Variants in FBXL2 observed in about 807,000 individuals in gnomAD.
FBXL2 encodes the protein F-box/LRR-repeat protein 2.
FBXL2 carries 38 observed loss-of-function variants against 69.2 expected under a neutral mutation model. The observed-to-expected ratio is 0.55, with a 90% CI of 0.42 to 0.72. The LOEUF is 0.72. Among genes scored for constraint, FBXL2 ranks in the 30% least tolerant of loss-of-function variants. The pLI is 0.00. For synonymous variants in FBXL2, 192 were observed against 201.3 expected (o/e 0.95, Z 0.39); for missense variants, 354 against 520.3 (o/e 0.68, Z 3.11).
At chr3:33,352,261 T>A (rs1042394809) in intron 2 of FBXL2, among the ~76,000 whole-genome samples, 1 of 151,986 alleles carries the variant, frequency 6.6e-6, no homozygotes, top group Non-Finnish European at 1.5e-5. Flanking sequence ...GTTGGAAAAA[T>A]TGGACATCTG....
chr3:33,325,460 C>T (rs1457741105), intron 2 of FBXL2, among the ~76,000 whole-genome samples: 3 of 152,130 alleles, frequency 2.0e-5, no homozygotes, highest in Non-Finnish European at 4.4e-5. Context: ...TTTTGAGGTA[C>T]GTTCCATCAT....
chr3:33,324,053 A>G (rs1045428545), intron 2 of FBXL2, among the ~76,000 whole-genome samples: 4 of 152,094 alleles, frequency 2.6e-5, no homozygotes, highest in African/African-American at 9.7e-5. Flanking sequence ...TTCTCTAGTG[A>G]CCAGTGATGA....
chr3:33,294,538 T>C (rs980453526), intron 1 of FBXL2, among the ~76,000 whole-genome samples: 2 of 152,112 alleles, frequency 1.3e-5, no homozygotes, highest in African/African-American at 4.8e-5. Context: ...ATGTAAATGC[T>C]TACATTAAAA....
At chr3:33,391,966 TG>T (rs1281424317), downstream of FBXL2, 1 of 153,006 alleles carries the variant, frequency 6.5e-6, no homozygotes, top group Non-Finnish European at 1.5e-5. Context: ...GGCACCTACA[TG>T]GCCCACTGCC....
chr3:33,364,294 T>G, intron 4 of FBXL2: 1 of 272,292 alleles, frequency 3.7e-6, no homozygotes, highest in Non-Finnish European at 7.0e-6. Flanking sequence ...AGCCTTTTGG[T>G]TGGTGGAATA....
At chr3:33,372,490 A>G (rs1044232253) in intron 5 of FBXL2, 4 of 156,182 alleles carry the variant, frequency 2.6e-5, no homozygotes, top group Admixed American at 6.2e-5. Context: ...TATGTTAAGC[A>G]GTGAGTGGTG....
In FBXL2 at chr3:33,375,304, G is replaced by A; in HGVS notation, c.674G>A (p.Gly225Asp). Residue 225 changes from glycine (G) to aspartate (D), a missense_variant, in exon 10 of 15, where the codon GGT becomes GAT. Transcript: ENST00000484457. Reference protein sequence around the residue: ...LQSCSRITDEGVVQICRGCHR... With the variant: ...LQSCSRITDEDVVQICRGCHR... ...TTTCCTCAGCGTATCACGGATGAAGGTGTGGTGCAGATATGCAGGGGCTGT... is the reference window on the plus strand; with the variant it reads ...TTTCCTCAGCGTATCACGGATGAAGATGTGGTGCAGATATGCAGGGGCTGT... 1 of 1,614,078 alleles carries A rather than the reference G, an allele frequency of 6.2e-7. No homozygotes were observed. Among genetic ancestry groups the A allele is most frequent in the South Asian group, 1.1e-5 (1 of 91,074 alleles).
chr3:33,354,355 A>C (rs537320135), intron 2 of FBXL2, among the ~76,000 whole-genome samples: 1 of 152,062 alleles, frequency 6.6e-6, no homozygotes, highest in South Asian at 2.1e-4. Context: ...CTCTACTAAA[A>C]ATACAAAAAT....
At chr3:33,394,488 A>G (rs1337811825) in intron 12 of FBXL2, among the ~76,000 whole-genome samples, 1 of 147,954 alleles carries the variant, frequency 6.8e-6, no homozygotes, top group African/African-American at 2.5e-5. Flanking sequence ...ATGAAGTGTG[A>G]TGCTTCCTTA....
At chr3:33,369,464 G>C (rs1191855750) in intron 5 of FBXL2, among the ~76,000 whole-genome samples, 1 of 151,990 alleles carries the variant, frequency 6.6e-6, no homozygotes, top group East Asian at 1.9e-4. Flanking sequence ...CTTTGATTTA[G>C]TACAGTCTAC....
intron 1 of FBXL2, among the ~76,000 whole-genome samples, chr3:33,281,701 C>T (rs1351930481): frequency 6.6e-6 from 1 of 152,108 alleles, no homozygotes; most frequent in South Asian, 2.1e-4. Context: ...TCCTCTCCAG[C>T]ACCTGTTGTT....
chr3:33,347,985 T>C (rs774422250), intron 2 of FBXL2, among the ~76,000 whole-genome samples: 7 of 152,182 alleles, frequency 4.6e-5, no homozygotes, highest in Non-Finnish European at 7.3e-5. Context: ...CTCTTCACTT[T>C]GTTGATTGTA....
intron 2 of FBXL2, among the ~76,000 whole-genome samples, chr3:33,311,980 G>A (rs1193766723): frequency 6.6e-6 from 1 of 152,076 alleles, no homozygotes; most frequent in Non-Finnish European, 1.5e-5. Flanking sequence ...TTTATGTATT[G>A]TTTTTCTGAT....
intron 1 of FBXL2, among the ~76,000 whole-genome samples, chr3:33,284,582 T>C (rs537585095): frequency 1.3e-5 from 2 of 152,340 alleles, no homozygotes; most frequent in South Asian, 2.1e-4. Context: ...CAGAGCTGAG[T>C]TCAATTCCTG....
intron 2 of FBXL2, among the ~76,000 whole-genome samples, chr3:33,298,715 AAAAG>A (rs2035976842): frequency 6.6e-6 from 1 of 151,640 alleles, no homozygotes; most frequent in South Asian, 2.1e-4. Context: ...AAAAAAAAAA[AAAAG>A]CTTATTTTTG....
At chr3:33,376,757 T>C (rs1034837117) in intron 10 of FBXL2, among the ~76,000 whole-genome samples, 1 of 152,106 alleles carries the variant, frequency 6.6e-6, no homozygotes, top group African/African-American at 2.4e-5. Flanking sequence ...TCCCAGCACT[T>C]TGGGAGGCCG....
chr3:33,292,145 C>T (rs990451913), intron 1 of FBXL2, among the ~76,000 whole-genome samples: 26 of 152,176 alleles, frequency 1.7e-4, no homozygotes, highest in African/African-American at 4.3e-4. Flanking sequence ...TTTGGAAGGC[C>T]GAGGCAGGTG....
At chr3:33,358,089 G>C (rs554127380) in intron 2 of FBXL2, among the ~76,000 whole-genome samples, 133 of 152,276 alleles carry the variant, frequency 8.7e-4, no homozygotes, top group African/African-American at 2.8e-3. Flanking sequence ...ATAGGTGGCT[G>C]TTCGCCATCT....
intron 1 of FBXL2, among the ~76,000 whole-genome samples, chr3:33,288,415 G>A (rs1011759027): frequency 2.0e-5 from 3 of 152,194 alleles, no homozygotes; most frequent in African/African-American, 7.2e-5. Flanking sequence ...AACAGATAAG[G>A]TGGTGAAAAG....
Sources: allele counts gnomAD v4.1 joint callset (sites outside exome capture counted in the v4.1 genomes callset), GRCh38; gene constraint gnomAD v4.1.1; transcripts MANE v1.5; gene names NCBI Gene and HGNC (gene_info 2026-07-23, HGNC 2026-07-21).